The following NARS2 variants were observed in gnomAD, a reference collection of about 807,000 sequenced individuals.
The protein encoded by NARS2 is asparaginyl-tRNA synthetase.
A neutral mutation model predicts 62.9 loss-of-function variants in NARS2; 60 were observed. That is an observed-to-expected ratio of 0.95 (90% CI 0.77 to 1.18). The LOEUF (loss-of-function observed/expected upper bound fraction) is 1.18. Ranked by LOEUF, NARS2 falls within the 50% of genes most tolerant of loss-of-function variation. NARS2 has a pLI of 0.00. For missense variants in NARS2, 619 were observed against 576.4 expected, an observed-to-expected ratio of 1.07 and a Z score of -0.76; for synonymous variants, 196 against 200.0, an observed-to-expected ratio of 0.98 and a Z score of 0.17.
chr11:78,496,297 T>C (rs1327658653), intron 6 of NARS2, among the ~76,000 whole-genome samples: 3 of 152,132 alleles, frequency 2.0e-5, no homozygotes, highest in Non-Finnish European at 2.9e-5. Context: ...GTAGCAATAG[T>C]AGTAGTAGTA....
intron 12 of NARS2, among the ~76,000 whole-genome samples, chr11:78,442,323 G>A (rs1246031103): frequency 6.6e-6 from 1 of 152,138 alleles, no homozygotes; most frequent in African/African-American, 2.4e-5. Flanking sequence ...TAGTAGTAAG[G>A]AGTTAGTCGT....
intron 5 of NARS2, among the ~76,000 whole-genome samples, chr11:78,554,408 C>G (rs1322857921): frequency 2.0e-5 from 3 of 151,652 alleles, no homozygotes; most frequent in Admixed American, 6.6e-5. Context: ...GATATTTTTC[C>G]ATTTGTTTGT....
chr11:78,454,579 G>C (rs568056334), intron 11 of NARS2, among the ~76,000 whole-genome samples: 1 of 151,696 alleles, frequency 6.6e-6, no homozygotes, highest in African/African-American at 2.4e-5. Flanking sequence ...GCAGAACCAC[G>C]AGCCAAATAA....
rs1053071472 is a variant in NARS2 at position 78,557,741 on chromosome 11, T to A, written c.594+1798A>T. Among the ~76,000 whole-genome samples, 21 of 150,690 alleles carry A rather than the reference T, an allele frequency of 1.4e-4. 2 individuals carry two copies. The highest frequency in any genetic ancestry group is 1.2e-3 in the Admixed American group (18 of 15,102). ...TCCTCTTCCTATTTATTCACACTTA[T>A]CTGATAATTTGTCTTAGGTTATTTA... On this transcript the variant is annotated intron_variant, in intron 5 of 13. Transcript: ENST00000281038.
intron 5 of NARS2, among the ~76,000 whole-genome samples, chr11:78,530,044 G>A (rs1861423744): frequency 6.6e-6 from 1 of 151,710 alleles, no homozygotes; most frequent in African/African-American, 2.4e-5. Context: ...CGGTATCTGT[G>A]GATAAATAAA....
intron 12 of NARS2, among the ~76,000 whole-genome samples, chr11:78,441,727 A>T (rs1857582700): frequency 6.6e-6 from 1 of 152,000 alleles, no homozygotes; most frequent in African/African-American, 2.4e-5. Flanking sequence ...AAAAAAAGAA[A>T]AGAAAAGCAC....
At chr11:78,459,779 CGTCTTTTGACAT>C (rs146060636) in intron 11 of NARS2, among the ~76,000 whole-genome samples, 2,903 of 152,272 alleles carry the variant, frequency 0.019, 82 homozygotes, top group African/African-American at 0.059. Context: ...GAAGTCCTCA[CGTCTTTTGACAT>C]AGAGGAAAGT....
chr11:78,489,336 G>A (rs1859716706), intron 7 of NARS2, among the ~76,000 whole-genome samples: 1 of 152,082 alleles, frequency 6.6e-6, no homozygotes, highest in Non-Finnish European at 1.5e-5. Flanking sequence ...ATGAAAAGAT[G>A]CTCAACATCA....
At chr11:78,526,382 TAA>T (rs1009145379) in intron 6 of NARS2, among the ~76,000 whole-genome samples, 73 of 152,298 alleles carry the variant, frequency 4.8e-4, no homozygotes, top group African/African-American at 1.7e-3. Context: ...TTCTCCATTT[TAA>T]AAGTCTGTTA....
intron 5 of NARS2, among the ~76,000 whole-genome samples, chr11:78,534,867 T>C (rs1861614903): frequency 6.6e-6 from 1 of 152,184 alleles, no homozygotes; most frequent in Admixed American, 6.5e-5. Context: ...GAAAAAAACC[T>C]CCATTTGTGT....
Position 78,563,387 on chromosome 11 carries a change from T to C in NARS2, c.513+2745A>G, listed in dbSNP as rs984754146. Among the ~76,000 whole-genome samples, 4 of 151,802 alleles carry C rather than the reference T, an allele frequency of 2.6e-5. 1 individual carries two copies. Among genetic ancestry groups the C allele is most frequent in the Admixed American group, 2.6e-4 (4 of 15,272 alleles). ...CACGCAACACCACGCCCAGCTAATT[T>C]TTGTATTTTTAGTAGACACGGGGTA... On this transcript the variant is annotated intron_variant, in intron 4 of 13. Transcript: ENST00000281038.
At chr11:78,541,513 T>C (rs1023957129) in intron 5 of NARS2, among the ~76,000 whole-genome samples, 7 of 152,112 alleles carry the variant, frequency 4.6e-5, no homozygotes, top group Non-Finnish European at 7.4e-5. Context: ...AAAATGCTTT[T>C]AATATTAGTC....
intron 6 of NARS2, among the ~76,000 whole-genome samples, chr11:78,508,482 A>C (rs1172545187): frequency 3.9e-5 from 6 of 151,990 alleles, no homozygotes; most frequent in Non-Finnish European, 8.8e-5. Context: ...CCAGCTACTC[A>C]AGAGGCTAAG....
chr11:78,551,185 T>C (rs536829756), intron 5 of NARS2, among the ~76,000 whole-genome samples: 8 of 152,350 alleles, frequency 5.3e-5, no homozygotes, highest in African/African-American at 1.7e-4. Flanking sequence ...CATGCAACTT[T>C]ATACAGTTGT....
At chr11:78,554,357 G>C (rs4544031) in intron 5 of NARS2, among the ~76,000 whole-genome samples, 104,167 of 151,998 alleles carry the variant, frequency 0.69, 37,482 homozygotes, top group Non-Finnish European at 0.81. Context: ...GGGTAGTATA[G>C]CCATTTTAAT....
At chr11:78,444,457 T>C (rs1857681791) in intron 11 of NARS2, among the ~76,000 whole-genome samples, 1 of 152,134 alleles carries the variant, frequency 6.6e-6, no homozygotes, top group African/African-American at 2.4e-5. Flanking sequence ...AGCTCACACC[T>C]GTAATCCTAG....
At chr11:78,484,346 T>C (rs1859483587) in intron 7 of NARS2, among the ~76,000 whole-genome samples, 1 of 152,064 alleles carries the variant, frequency 6.6e-6, no homozygotes, top group African/African-American at 2.4e-5. Context: ...ACTTCATGAC[T>C]AAAACATCAA....
At chr11:78,557,779 T>C (rs1298780155) in intron 5 of NARS2, among the ~76,000 whole-genome samples, 1 of 148,722 alleles carries the variant, frequency 6.7e-6, no homozygotes, top group Non-Finnish European at 1.5e-5. Context: ...GGTCAAGATA[T>C]ATATATAAAA....
Position 78,571,458 on chromosome 11 carries a change from A to G in NARS2, c.142-14T>C, listed in dbSNP as rs1334274323. ...ACGAATCCATCCCTAAGGAAGAGAA[A>G]TATTTCCAATGTGAGCGTAAAACAT... On this transcript the variant is annotated splice_polypyrimidine_tract_variant and intron_variant, in intron 1 of 13. Transcript: ENST00000281038. 1.9e-6 allele frequency: 3 copies of G among 1,571,284 alleles called. No individual in the cohort carries two copies. The highest frequency in any genetic ancestry group is 2.6e-6 in the Non-Finnish European group (3 of 1,142,752).
Sources: allele counts gnomAD v4.1 joint callset (sites outside exome capture counted in the v4.1 genomes callset), GRCh38; gene constraint gnomAD v4.1.1; transcripts MANE v1.5; gene names NCBI Gene and HGNC (gene_info 2026-07-23, HGNC 2026-07-21).